The following SLC9A4 variants were observed in gnomAD, a reference collection of about 807,000 sequenced individuals.
SLC9A4 encodes the protein solute carrier family 9 member A4.
Under a neutral mutation model 67.4 loss-of-function variants are expected in SLC9A4, and 63 were observed. That is an observed-to-expected ratio of 0.93 (90% CI 0.76 to 1.15). The LOEUF (loss-of-function observed/expected upper bound fraction) is 1.15, where lower values mean the gene tolerates loss of function less well. Among genes scored for constraint, SLC9A4 ranks in the 50% most tolerant of loss-of-function variants. The pLI is 0.00. For synonymous variants in SLC9A4, 393 were observed against 367.2 expected, an observed-to-expected ratio of 1.07 and a Z score of -0.80; for missense variants, 1,089 against 987.7, an observed-to-expected ratio of 1.10 and a Z score of -1.38.
chr2:102,491,560 T>C (rs563641217), intron 2 of SLC9A4, among the ~76,000 whole-genome samples: 2 of 152,124 alleles, frequency 1.3e-5, no homozygotes, highest in South Asian at 4.2e-4. Context: ...GACTTATTCA[T>C]TATCACGAGA....
intron 4 of SLC9A4, 137 bp downstream of exon 4, chr2:102,505,608 C>G: frequency 8.0e-6 from 6 of 748,158 alleles, no homozygotes; most frequent in Non-Finnish European, 1.3e-5. Flanking sequence ...GGAACCTGGT[C>G]GTGAGCAGGA....
At position 102,525,041 on chromosome 2, in the gene SLC9A4, A is replaced by G; in HGVS notation, c.1836A>G (p.Lys612=). ...QVRQRTLSYN[K]YNLKPQTSEK... is the part of the protein sequence containing the mutation. ...CTCTGCAGACCCTGTCCTACAACAA[A>G]TACAACCTCAAACCCCAAACAAGTG... The change falls in exon 10 of 12, where the codon AAA becomes AAG. Residue 612 remains lysine, a synonymous_variant. Coordinates refer to ENST00000295269, the MANE Select transcript of SLC9A4 (RefSeq NM_001011552.4). The G allele has an allele frequency of 6.2e-7, 1 of 1,614,104 alleles. No individual in the cohort carries two copies. Among genetic ancestry groups the G allele is most frequent in the Non-Finnish European group, 8.5e-7 (1 of 1,179,972 alleles).
At chr2:102,487,979 A>G (rs1684622438) in intron 2 of SLC9A4, among the ~76,000 whole-genome samples, 1 of 152,072 alleles carries the variant, frequency 6.6e-6, no homozygotes, top group African/African-American at 2.4e-5. Flanking sequence ...CACATGACTT[A>G]TTTCTTTTTG....
chr2:102,524,556 TTGTGTGTGTG>T (rs147920382), intron 9 of SLC9A4, among the ~76,000 whole-genome samples: 1 of 145,416 alleles, frequency 6.9e-6, no homozygotes, highest in African/African-American at 2.5e-5. Context: ...GTGATAGGAA[TTGTGTGTGTG>T]TGTGTGTGTG....
At chr2:102,498,696 C>T (rs1255322260) in intron 2 of SLC9A4, among the ~76,000 whole-genome samples, 7 of 152,090 alleles carry the variant, frequency 4.6e-5, no homozygotes, top group Non-Finnish European at 7.3e-5. Flanking sequence ...ACAAACTCAC[C>T]GAGTCAAGAC....
intron 1 of SLC9A4, among the ~76,000 whole-genome samples, chr2:102,475,255 T>C (rs894001944): frequency 6.6e-6 from 1 of 152,248 alleles, no homozygotes; most frequent in East Asian, 1.9e-4. Context: ...TGAAATCATA[T>C]AGACACTGAT....
In SLC9A4 at chr2:102,518,188, C is replaced by T. The variant is rs13395666; in HGVS notation, c.1722-1671C>T. ...TTGAATGGATTTTAACTAAGTTCGT[C>T]CCCCCCAAAGTGGTCAGTTATAAAC... is the stretch of plus-strand genomic sequence containing the variant. On this transcript the variant is annotated intron_variant, in intron 8 of 11. Coordinates refer to ENST00000295269, the MANE Select transcript of SLC9A4 (RefSeq NM_001011552.4). Among the ~76,000 whole-genome samples the T allele has an allele frequency of 5.5e-3, 831 of 152,304 alleles. 16 individuals are homozygous for T. Among genetic ancestry groups the T allele is most frequent in the African/African-American group, 0.019 (797 of 41,574 alleles).
chr2:102,481,121 G>A (rs552510584), intron 2 of SLC9A4, among the ~76,000 whole-genome samples: 7 of 152,306 alleles, frequency 4.6e-5, no homozygotes, highest in East Asian at 1.9e-4. Context: ...AGGGATCGGC[G>A]TGGGGAGGGA....
Position 102,508,170 on chromosome 2 carries a change from A to T in SLC9A4, c.1290A>T (p.Arg430=), listed in dbSNP as rs1399657406. The change falls in exon 5 of 12, where the codon CGA becomes CGT. Residue 430 remains arginine, a synonymous_variant. Coordinates refer to ENST00000295269, the MANE Select transcript of SLC9A4 (RefSeq NM_001011552.4). ...DQCIIFYSGV[R]GAGSFSLAFL... is the part of the protein sequence containing the mutation. ...GCATCATTTTCTACAGTGGTGTTCG[A>T]GGAGCTGGAAGTTTTTCACTTGCAT... 6.2e-7 allele frequency: 1 copy of T among 1,614,168 alleles called. No individual in the cohort carries two copies. The highest frequency in any genetic ancestry group is 1.7e-5 in the Admixed American group (1 of 60,010).
At chr2:102,504,750 T>C (rs1211278253) in intron 3 of SLC9A4, among the ~76,000 whole-genome samples, 5 of 152,238 alleles carry the variant, frequency 3.3e-5, no homozygotes, top group Non-Finnish European at 7.3e-5. Flanking sequence ...GGCAAGTTTC[T>C]TTCTCTTTCC....
chr2:102,483,916 T>C (rs1684529888), intron 2 of SLC9A4, among the ~76,000 whole-genome samples: 1 of 148,834 alleles, frequency 6.7e-6, no homozygotes, highest in Non-Finnish European at 1.5e-5. Context: ...TATATATTTA[T>C]ATATTAACAT....
chr2:102,478,105 A>G (rs1005140526), intron 1 of SLC9A4, among the ~76,000 whole-genome samples: 28 of 152,360 alleles, frequency 1.8e-4, no homozygotes, highest in African/African-American at 6.7e-4. Context: ...TGAGACAATC[A>G]GAGACCCATG....
intron 8 of SLC9A4, among the ~76,000 whole-genome samples, chr2:102,517,155 C>T (rs1411434517): frequency 1.3e-5 from 2 of 152,196 alleles, no homozygotes; most frequent in Non-Finnish European, 2.9e-5. Context: ...CCACTCATCA[C>T]TCATTCCAAA....
chr2:102,500,356 C>T (rs1467147831), intron 2 of SLC9A4, among the ~76,000 whole-genome samples: 1 of 152,206 alleles, frequency 6.6e-6, no homozygotes, highest in African/African-American at 2.4e-5. Context: ...AGTCCAGACT[C>T]TTAGTCTCCA....
intron 6 of SLC9A4, among the ~76,000 whole-genome samples, chr2:102,510,231 G>C (rs61116584): frequency 7.3e-6 from 1 of 137,020 alleles, no homozygotes; most frequent in Non-Finnish European, 1.6e-5. Flanking sequence ...ATACGGATAC[G>C]GATACAGATA....
intron 2 of SLC9A4, among the ~76,000 whole-genome samples, chr2:102,487,355 A>G (rs1282473787): frequency 6.6e-6 from 1 of 152,192 alleles, no homozygotes; most frequent in Non-Finnish European, 1.5e-5. Context: ...AGGTCCCAGT[A>G]AATGAAGGAG....
chr2:102,531,062 CTT>C (rs5833023), intron 11 of SLC9A4, among the ~76,000 whole-genome samples: 4 of 116,276 alleles, frequency 3.4e-5, no homozygotes, highest in Non-Finnish European at 5.0e-5. Flanking sequence ...TACCTAAATT[CTT>C]TTTTTTTTTT....
chr2:102,480,000 TA>T (rs1028456212), intron 2 of SLC9A4, among the ~76,000 whole-genome samples: 1 of 152,238 alleles, frequency 6.6e-6, no homozygotes, highest in African/African-American at 2.4e-5. Flanking sequence ...CATTAATTAC[TA>T]AAAACCTTCA....
intron 8 of SLC9A4, among the ~76,000 whole-genome samples, chr2:102,516,386 C>A (rs963523140): frequency 6.6e-6 from 1 of 151,974 alleles, no homozygotes; most frequent in East Asian, 1.9e-4. Flanking sequence ...ATCTGTAGGA[C>A]GTCAAGCAAA....
Sources: allele counts gnomAD v4.1 joint callset (sites outside exome capture counted in the v4.1 genomes callset), GRCh38; gene constraint gnomAD v4.1.1; transcripts MANE v1.5; gene names NCBI Gene and HGNC (gene_info 2026-07-23, HGNC 2026-07-21).